The following MTA3 variants were observed in gnomAD, a reference collection of about 807,000 sequenced individuals.
MTA3 encodes metastasis associated 1 family member 3.
A neutral mutation model predicts 83.5 loss-of-function variants in MTA3; 34 were observed. The ratio of observed to expected loss-of-function variants is 0.41; its 90% confidence interval spans 0.31 to 0.54. The LOEUF (loss-of-function observed/expected upper bound fraction) is 0.54. MTA3 is among the 20% of genes least tolerant of loss of function. MTA3 has a pLI of 0.33. For synonymous variants in MTA3, 303 were observed against 252.7 expected, an observed-to-expected ratio of 1.20 and a Z score of -1.89; for missense variants, 761 against 726.4, an observed-to-expected ratio of 1.05 and a Z score of -0.55.
chr2:42,595,968 C>G (rs982406517), intron 3 of MTA3, among the ~76,000 whole-genome samples: 3 of 151,988 alleles, frequency 2.0e-5, no homozygotes, highest in Admixed American at 2.0e-4. Context: ...TTCATTCTGC[C>G]CAGTTTTTGA....
intron 7 of MTA3, among the ~76,000 whole-genome samples, chr2:42,656,962 A>G (rs1689226085): frequency 6.6e-6 from 1 of 152,248 alleles, no homozygotes; most frequent in Non-Finnish European, 1.5e-5. Flanking sequence ...TGTTGAGGGT[A>G]TATACCATGT....
At chr2:42,691,262 A>G (rs112320414) in intron 9 of MTA3, among the ~76,000 whole-genome samples, 2,196 of 152,198 alleles carry the variant, frequency 0.014, 52 homozygotes, top group African/African-American at 0.049. Context: ...TGCCTGCCTC[A>G]GCCTCCCAAA....
At chr2:42,659,321 G>T (rs1689458523) in intron 7 of MTA3, among the ~76,000 whole-genome samples, 1 of 152,108 alleles carries the variant, frequency 6.6e-6, no homozygotes, top group Non-Finnish European at 1.5e-5. Context: ...ACAGGAAGGG[G>T]TTGCTACAGT....
intron 9 of MTA3, among the ~76,000 whole-genome samples, chr2:42,690,125 C>T (rs1692746542): frequency 6.6e-6 from 1 of 152,058 alleles, no homozygotes; most frequent in South Asian, 2.1e-4. Context: ...GAATGAATAG[C>T]TACTGCACTC....
At chr2:42,695,108 C>A (rs938161875) in intron 9 of MTA3, among the ~76,000 whole-genome samples, 1 of 152,026 alleles carries the variant, frequency 6.6e-6, no homozygotes, top group Non-Finnish European at 1.5e-5. Context: ...TGCACTGCAG[C>A]CTGGGTGACC....
chr2:42,727,681 C>T (rs1204307504), intron 16 of MTA3, among the ~76,000 whole-genome samples: 1 of 152,092 alleles, frequency 6.6e-6, no homozygotes, highest in South Asian at 2.1e-4. Flanking sequence ...TCTTGTGTGA[C>T]CTTGGGTGAA....
Position 42,606,906 on chromosome 2 carries a change from C to T in MTA3, c.191-2552C>T, listed in dbSNP as rs1388729526. Reference sequence around the variant, plus strand: ...CGGCCTGGCCAACACAGCGAAACCCCGTCTCCACCAAAACCAGTCAGGCGT... The same window carrying T: ...CGGCCTGGCCAACACAGCGAAACCCTGTCTCCACCAAAACCAGTCAGGCGT... On this transcript the variant is annotated intron_variant, in intron 3 of 16. Coordinates refer to ENST00000405094, the MANE Select transcript of MTA3 (RefSeq NM_001330442.2). Among the ~76,000 whole-genome samples, 9 of 148,412 alleles carry T rather than the reference C, an allele frequency of 6.1e-5. 1 individual carries two copies. The highest frequency in any genetic ancestry group is 1.4e-4 in the Admixed American group (2 of 14,792).
At chr2:42,577,105 A>AAAAAAAAAAAAAAT (rs1211189566) in intron 2 of MTA3, among the ~76,000 whole-genome samples, 3 of 86,952 alleles carry the variant, frequency 3.5e-5, no homozygotes, top group East Asian at 2.7e-4. Flanking sequence ...AAAAAAAAAA[A>AAAAAAAAAAAAAAT]ATATATATAT....
chr2:42,724,277 AACACACACACACACACACACACACACAC>A (rs34379999), intron 16 of MTA3, among the ~76,000 whole-genome samples: 2 of 73,150 alleles, frequency 2.7e-5, no homozygotes, highest in African/African-American at 1.2e-4. Context: ...AGTCCTGAAA[AACACACACACACACACACACACACACAC>A]ACACACACAC....
chr2:42,589,405 A>G (rs1573095417), intron 3 of MTA3, among the ~76,000 whole-genome samples: 2 of 152,352 alleles, frequency 1.3e-5, no homozygotes, highest in South Asian at 4.1e-4. Context: ...GTGGAAAATT[A>G]TCACCAGTAA....
intron 1 of MTA3, chr2:42,569,787 G>T (rs1289395610): frequency 1.3e-5 from 2 of 152,136 alleles, no homozygotes; most frequent in East Asian, 3.8e-4. Context: ...GACATTAAAT[G>T]GATCTGGATT....
At chr2:42,590,975 A>AT (rs1360067906) in intron 3 of MTA3, among the ~76,000 whole-genome samples, 5 of 151,932 alleles carry the variant, frequency 3.3e-5, no homozygotes, top group Non-Finnish European at 7.4e-5. Flanking sequence ...GGATTAGGGT[A>AT]TTTTTCATCG....
intron 11 of MTA3, chr2:42,702,699 T>TA (rs1665696211): frequency 6.6e-6 from 1 of 152,212 alleles, no homozygotes; most frequent in Non-Finnish European, 1.5e-5. Context: ...GTCAGAGACT[T>TA]ATTTATTAGG....
chr2:42,750,771 C>A (rs562930731), intron 16 of MTA3, among the ~76,000 whole-genome samples: 28 of 152,292 alleles, frequency 1.8e-4, no homozygotes, highest in African/African-American at 6.0e-4. Context: ...TGCCTCGTGT[C>A]CCCTAGGCCT....
intron 16 of MTA3, among the ~76,000 whole-genome samples, chr2:42,738,010 C>G (rs1195023378): frequency 6.6e-6 from 1 of 152,098 alleles, no homozygotes; most frequent in Non-Finnish European, 1.5e-5. Flanking sequence ...ATCTGTAATC[C>G]CAACACTTTG....
chr2:42,746,829 G>A (rs949166603), intron 16 of MTA3, among the ~76,000 whole-genome samples: 1 of 152,174 alleles, frequency 6.6e-6, no homozygotes, highest in African/African-American at 2.4e-5. Context: ...AACCTTACAC[G>A]TTCAGCTCTC....
At chr2:42,627,777 C>T (rs1264977738) in intron 4 of MTA3, among the ~76,000 whole-genome samples, 1 of 142,418 alleles carries the variant, frequency 7.0e-6, no homozygotes, top group South Asian at 2.2e-4. Context: ...ATAGTTTCGC[C>T]ATGTTGGTCA....
intron 8 of MTA3, among the ~76,000 whole-genome samples, chr2:42,674,418 A>T (rs1691138300): frequency 6.6e-6 from 1 of 152,240 alleles, no homozygotes; most frequent in African/African-American, 2.4e-5. Context: ...ATGAGATGAA[A>T]TGTGACAACA....
At chr2:42,599,817 A>C (rs1173190293) in intron 3 of MTA3, among the ~76,000 whole-genome samples, 2 of 151,970 alleles carry the variant, frequency 1.3e-5, no homozygotes, top group Non-Finnish European at 2.9e-5. Flanking sequence ...AAGGAGTTTC[A>C]TTTCTTCTTT....
Sources: allele counts gnomAD v4.1 joint callset (sites outside exome capture counted in the v4.1 genomes callset), GRCh38; gene constraint gnomAD v4.1.1; transcripts MANE v1.5; gene names NCBI Gene and HGNC (gene_info 2026-07-23, HGNC 2026-07-21).